Variants in RFTN2 observed in about 807,000 individuals in gnomAD.
RFTN2 encodes the protein raftlin-2.
RFTN2 carries 34 observed loss-of-function variants against 52.7 expected under a neutral mutation model. That is an observed-to-expected ratio of 0.64 (90% CI 0.49 to 0.86). The LOEUF is 0.86. RFTN2 is among the 40% of genes least tolerant of loss of function. The pLI is 0.00. For synonymous variants in RFTN2, 203 were observed against 217.7 expected, an observed-to-expected ratio of 0.93 and a Z score of 0.59; for missense variants, 536 against 600.1, an observed-to-expected ratio of 0.89 and a Z score of 1.12.
At position 197,611,227 on chromosome 2, in the gene RFTN2, G is replaced by T. The variant is rs563535797; in HGVS notation, c.1154+4649C>A. 7.8e-4 allele frequency among the ~76,000 whole-genome samples: 118 copies of T among 152,256 alleles called. 2 individuals are homozygous for T. Among genetic ancestry groups the T allele is most frequent in the South Asian group, 2.5e-3 (12 of 4,822 alleles). Reference sequence around the variant, plus strand: ...TGTACCTCTGGTAGAATTTGGCTGTGAATCCGTCTGGTCCTGGACTTTTTT... The same window carrying T: ...TGTACCTCTGGTAGAATTTGGCTGTTAATCCGTCTGGTCCTGGACTTTTTT... On this transcript the variant is annotated intron_variant, in intron 7 of 8. Transcript: ENST00000295049.
chr2:197,609,477 GTTGT>G (rs1326038396), intron 7 of RFTN2, among the ~76,000 whole-genome samples: 4 of 152,294 alleles, frequency 2.6e-5, no homozygotes, highest in African/African-American at 7.2e-5. Context: ...TTTTGATGGG[GTTGT>G]TTGTTTTTTC....
intron 1 of RFTN2, among the ~76,000 whole-genome samples, chr2:197,674,014 A>C (rs1275023577): frequency 6.6e-6 from 1 of 152,206 alleles, no homozygotes; most frequent in Admixed American, 6.5e-5. Flanking sequence ...CCACATTACA[A>C]ATATTTTCTC....
chr2:197,625,290 A>C (rs2088335859), intron 5 of RFTN2, among the ~76,000 whole-genome samples: 1 of 152,148 alleles, frequency 6.6e-6, no homozygotes, highest in Non-Finnish European at 1.5e-5. Context: ...GGGTACTTGA[A>C]CCCTGGTTTG....
chr2:197,588,258 G>C (rs75112236), intron 8 of RFTN2, among the ~76,000 whole-genome samples: 3,470 of 152,234 alleles, frequency 0.023, 123 homozygotes, highest in African/African-American at 0.08. Flanking sequence ...ACGATGTATA[G>C]AAACAGTACA....
chr2:197,625,666 C>CTCCTCTCCTT (rs1324582736), intron 5 of RFTN2, among the ~76,000 whole-genome samples: 1 of 35,938 alleles, frequency 2.8e-5, no homozygotes, highest in African/African-American at 8.4e-5. Flanking sequence ...AAATTCCTCT[C>CTCCTCTCCTT]TCCTCTCCTC....
chr2:197,661,480 A>G lies in RFTN2; in HGVS notation c.139+13840T>C, dbSNP rs534393036. On this transcript the variant is annotated intron_variant, in intron 1 of 8. Coordinates refer to ENST00000295049, the MANE Select transcript of RFTN2 (RefSeq NM_144629.3). Reference sequence around the variant, plus strand: ...CCAGGCTGGGATTTCATTCTTTTTTATGGCTGAATAGTATTCCACCATGTA... The same window carrying G: ...CCAGGCTGGGATTTCATTCTTTTTTGTGGCTGAATAGTATTCCACCATGTA... Among the ~76,000 whole-genome samples the G allele has an allele frequency of 9.9e-5, 15 of 152,074 alleles. No individual in the cohort carries two copies. In the East Asian group the frequency reaches 2.9e-3, roughly 29 times the overall value.
chr2:197,576,370 G>A (rs952105298), intron 8 of RFTN2, among the ~76,000 whole-genome samples: 2 of 152,026 alleles, frequency 1.3e-5, no homozygotes, highest in African/African-American at 4.8e-5. Flanking sequence ...AGATATTAGA[G>A]AATATGATCA....
intron 1 of RFTN2, among the ~76,000 whole-genome samples, chr2:197,666,284 C>T (rs968902146): frequency 1.3e-5 from 2 of 152,162 alleles, no homozygotes; most frequent in African/African-American, 2.4e-5. Flanking sequence ...AGGGCTTCAC[C>T]ATGTTGGCCA....
At chr2:197,585,947 C>T (rs946187124) in intron 8 of RFTN2, among the ~76,000 whole-genome samples, 13 of 152,164 alleles carry the variant, frequency 8.5e-5, no homozygotes, top group African/African-American at 3.1e-4. Flanking sequence ...GTGGCTGCTC[C>T]TTTTTGTATC....
chr2:197,603,322 T>C (rs375418557), intron 7 of RFTN2, among the ~76,000 whole-genome samples: 2 of 152,184 alleles, frequency 1.3e-5, no homozygotes, highest in Non-Finnish European at 2.9e-5. Context: ...GATAGGTACA[T>C]TTGTCGATTT....
At chr2:197,579,563 A>C (rs2087471553) in intron 8 of RFTN2, among the ~76,000 whole-genome samples, 1 of 152,156 alleles carries the variant, frequency 6.6e-6, no homozygotes, top group Admixed American at 6.5e-5. Context: ...CTTGTCGTGA[A>C]ATGGGCAAAC....
At chr2:197,579,226 T>C (rs1367550741) in intron 8 of RFTN2, among the ~76,000 whole-genome samples, 2 of 152,182 alleles carry the variant, frequency 1.3e-5, no homozygotes, top group African/African-American at 4.8e-5. Context: ...CTTCACCTAG[T>C]GGCAAGTACC....
chr2:197,651,628 A>C (rs1181925858), intron 1 of RFTN2, among the ~76,000 whole-genome samples: 1 of 152,186 alleles, frequency 6.6e-6, no homozygotes, highest in Non-Finnish European at 1.5e-5. Context: ...AAAAAACAAA[A>C]ACAAAAACAA....
intron 8 of RFTN2, among the ~76,000 whole-genome samples, chr2:197,584,436 G>A (rs914401265): frequency 6.6e-6 from 1 of 152,058 alleles, no homozygotes; most frequent in African/African-American, 2.4e-5. Flanking sequence ...CTGTTCATAT[G>A]CTTTGCCCAC....
At chr2:197,640,837 A>C (rs2106246009) in intron 3 of RFTN2, among the ~76,000 whole-genome samples, 1 of 152,334 alleles carries the variant, frequency 6.6e-6, no homozygotes, top group East Asian at 1.9e-4. Flanking sequence ...GAAATGTAAC[A>C]GCCAAAAACC....
At chr2:197,607,475 T>TATAATAATAATAATA (rs67699316) in intron 7 of RFTN2, among the ~76,000 whole-genome samples, 234 of 147,552 alleles carry the variant, frequency 1.6e-3, no homozygotes, top group Admixed American at 5.3e-3. Flanking sequence ...AAACTTGAAG[T>TATAATAATAATAATA]ATAATAATAA....
intron 3 of RFTN2, among the ~76,000 whole-genome samples, chr2:197,641,271 G>T (rs1453322974): frequency 6.6e-6 from 1 of 152,232 alleles, no homozygotes; most frequent in Non-Finnish European, 1.5e-5. Context: ...TGAGAGCGGG[G>T]AGAGAGTGTG....
chr2:197,604,922 G>A (rs77000173), intron 7 of RFTN2, among the ~76,000 whole-genome samples: 1,531 of 152,028 alleles, frequency 0.01, 16 homozygotes, highest in East Asian at 0.048. Flanking sequence ...CACCATGCCC[G>A]GCTAATTTTT....
chr2:197,606,257 A>C (rs2087961014), intron 7 of RFTN2, among the ~76,000 whole-genome samples: 1 of 152,202 alleles, frequency 6.6e-6, no homozygotes, highest in Non-Finnish European at 1.5e-5. Context: ...CTCAAAGCAG[A>C]GTATGAGTTC....
Sources: gnomAD v4.1 joint callset for allele counts (sites outside exome capture counted in the v4.1 genomes callset) on GRCh38, gnomAD v4.1.1 for gene constraint, MANE v1.5 for transcripts, NCBI Gene and HGNC (gene_info 2026-07-23, HGNC 2026-07-21) for gene names.